The following MCTP1 variants were observed in gnomAD, a reference collection of about 807,000 sequenced individuals.
MCTP1 encodes the protein multiple C2 and transmembrane domain containing 1, also known as multiple C2 and transmembrane domain-containing protein 1.
Under a neutral mutation model 120.6 loss-of-function variants are expected in MCTP1, and 69 were observed. That is an observed-to-expected ratio of 0.57 (90% CI 0.47 to 0.70). The LOEUF is 0.70. MCTP1 is among the 30% of genes least tolerant of loss of function. The pLI is 0.00. For synonymous variants in MCTP1, 529 were observed against 493.1 expected, an observed-to-expected ratio of 1.07 and a Z score of -0.96; for missense variants, 1,203 against 1,248.8, an observed-to-expected ratio of 0.96 and a Z score of 0.55.
chr5:95,209,915 T>G (rs549284052), intron 1 of MCTP1, among the ~76,000 whole-genome samples: 1 of 152,356 alleles, frequency 6.6e-6, no homozygotes, highest in Admixed American at 6.5e-5. Flanking sequence ...ATTTCTGCCT[T>G]CATTTCGTTA....
chr5:94,809,860 G>A (rs1004180347), intron 17 of MCTP1, among the ~76,000 whole-genome samples: 2 of 151,936 alleles, frequency 1.3e-5, no homozygotes, highest in Non-Finnish European at 2.9e-5. Context: ...CTAGTGCCCC[G>A]TTTTCCCAGG....
chr5:95,011,451 C>T (rs1835922764), intron 2 of MCTP1, among the ~76,000 whole-genome samples: 1 of 152,068 alleles, frequency 6.6e-6, no homozygotes, highest in Admixed American at 6.6e-5. Flanking sequence ...CTCTGTGTCC[C>T]TACCCAAATC....
intron 1 of MCTP1, among the ~76,000 whole-genome samples, chr5:95,097,447 GA>G (rs1756358314): frequency 6.6e-6 from 1 of 152,188 alleles, no homozygotes; most frequent in South Asian, 2.1e-4. Flanking sequence ...CTTGGGATAG[GA>G]AAGACCTGGT....
In MCTP1 at chr5:94,822,608, A is replaced by T. The variant is rs570330661; in HGVS notation, c.2437-23476T>A. Among the ~76,000 whole-genome samples, 11 of 152,240 alleles carry T rather than the reference A, an allele frequency of 7.2e-5. No individual in the cohort carries two copies. In the East Asian group the frequency reaches 2.1e-3, roughly 29 times the overall value. ...GATTGCTGGGTCAGGTGGTATTTCT[A>T]GTTCTAGATCCTTGAGGAATCACCA... On this transcript the variant is annotated intron_variant, in intron 17 of 22. Transcript: ENST00000515393.
intron 19 of MCTP1, among the ~76,000 whole-genome samples, chr5:94,739,715 A>G (rs1384042926): frequency 6.6e-6 from 1 of 152,160 alleles, no homozygotes; most frequent in Non-Finnish European, 1.5e-5. Context: ...CCCAGCCTGG[A>G]GTGCAATGGC....
chr5:94,931,955 T>G lies in MCTP1; in HGVS notation c.1210A>C (p.Lys404Gln). The G allele has an allele frequency of 6.2e-7, 1 of 1,602,346 alleles. No homozygotes were observed. The highest frequency in any genetic ancestry group is 8.5e-7 in the Non-Finnish European group (1 of 1,171,486). Reference protein sequence around the residue: ...LMRKSWKRSSKELSENEVVGS... With the variant: ...LMRKSWKRSSQELSENEVVGS... ...AAAGATCACAAGCTAAGAATTACCT[T>G]ACTTGATCTTTTCCAACTCTTCCTC... The change falls in exon 6 of 23, where the codon AAG becomes CAG. Residue 404 changes from lysine to glutamine, a missense_variant and splice_region_variant. Coordinates refer to ENST00000515393, the MANE Select transcript of MCTP1 (RefSeq NM_024717.7).
At chr5:94,737,534 G>GT (rs571736995) in intron 19 of MCTP1, among the ~76,000 whole-genome samples, 75 of 152,264 alleles carry the variant, frequency 4.9e-4, no homozygotes, top group African/African-American at 1.8e-3. Context: ...GAGTCCTGTA[G>GT]TTTTGTTTCA....
chr5:94,922,324 G>C (rs976661578), intron 7 of MCTP1, among the ~76,000 whole-genome samples: 2 of 152,172 alleles, frequency 1.3e-5, no homozygotes, highest in Non-Finnish European at 2.9e-5. Flanking sequence ...GATCTTGAGA[G>C]AGCCACTTGA....
chr5:95,049,637 A>G (rs1054664637), intron 1 of MCTP1, among the ~76,000 whole-genome samples: 13 of 152,176 alleles, frequency 8.5e-5, no homozygotes, highest in Non-Finnish European at 1.6e-4. Flanking sequence ...AAAAGAAATT[A>G]TTCTCTCACT....
intron 17 of MCTP1, among the ~76,000 whole-genome samples, chr5:94,828,267 G>A (rs1787695639): frequency 6.6e-6 from 1 of 152,206 alleles, no homozygotes; most frequent in Admixed American, 6.5e-5. Flanking sequence ...GTTTGCCTGG[G>A]TATCACCAGC....
At chr5:95,059,486 G>A (rs77946526) in intron 1 of MCTP1, among the ~76,000 whole-genome samples, 40 of 151,874 alleles carry the variant, frequency 2.6e-4, no homozygotes, top group African/African-American at 9.7e-4. Flanking sequence ...TAGGTAATGG[G>A]ATTATTTGTA....
At chr5:95,197,002 G>A (rs539575471) in intron 1 of MCTP1, among the ~76,000 whole-genome samples, 5 of 152,264 alleles carry the variant, frequency 3.3e-5, no homozygotes, top group East Asian at 1.9e-4. Context: ...CAGGTTGATG[G>A]TAAGGTTTTA....
intron 10 of MCTP1, among the ~76,000 whole-genome samples, chr5:94,908,914 T>C (rs550924669): frequency 2.1e-4 from 32 of 152,158 alleles, no homozygotes; most frequent in Middle Eastern, 6.8e-3. Flanking sequence ...AAAATAAATA[T>C]TATCTTAGAT....
At chr5:94,748,123 T>C (rs1034846367) in intron 19 of MCTP1, among the ~76,000 whole-genome samples, 4 of 152,188 alleles carry the variant, frequency 2.6e-5, no homozygotes, top group East Asian at 1.9e-4. Flanking sequence ...TTTGATACTA[T>C]TGACAAATTA....
At chr5:94,763,168 C>T (rs1291939521) in intron 19 of MCTP1, among the ~76,000 whole-genome samples, 1 of 152,180 alleles carries the variant, frequency 6.6e-6, no homozygotes, top group East Asian at 1.9e-4. Context: ...TAGCATATTT[C>T]TCTACTTCAA....
chr5:94,796,131 T>A (rs944094759), intron 18 of MCTP1, among the ~76,000 whole-genome samples: 10 of 152,244 alleles, frequency 6.6e-5, no homozygotes, highest in Admixed American at 3.3e-4. Context: ...GTTTCTTTTC[T>A]TTTCTTCTTC....
intron 1 of MCTP1, among the ~76,000 whole-genome samples, chr5:95,163,730 T>C (rs1235514771): frequency 6.6e-6 from 1 of 152,208 alleles, no homozygotes; most frequent in East Asian, 1.9e-4. Flanking sequence ...GAGAAGTTAG[T>C]ATCTCAGTTT....
At chr5:95,184,895 A>G (rs953096644) in intron 1 of MCTP1, among the ~76,000 whole-genome samples, 1 of 152,068 alleles carries the variant, frequency 6.6e-6, no homozygotes, top group African/African-American at 2.4e-5. Context: ...TCAACCCCCT[A>G]TGATTCCATC....
chr5:95,224,448 A>T (rs1299577265), intron 1 of MCTP1, among the ~76,000 whole-genome samples: 2 of 152,124 alleles, frequency 1.3e-5, no homozygotes, highest in Non-Finnish European at 2.9e-5. Flanking sequence ...CTGCATTTAA[A>T]CAACTGTCAT....
Sources: gnomAD v4.1 joint callset for allele counts (sites outside exome capture counted in the v4.1 genomes callset) on GRCh38, gnomAD v4.1.1 for gene constraint, MANE v1.5 for transcripts, NCBI Gene and HGNC (gene_info 2026-07-23, HGNC 2026-07-21) for gene names.